The following HUS1 variants were observed in gnomAD, a reference collection of about 807,000 sequenced individuals.
The protein encoded by HUS1 is HUS1 checkpoint clamp component, also known as checkpoint protein HUS1.
In HUS1, 31 loss-of-function variants were observed where a neutral mutation model predicts 32.6. The observed-to-expected ratio is 0.95, with a 90% CI of 0.72 to 1.28. The LOEUF (loss-of-function observed/expected upper bound fraction) is 1.28, where lower values mean the gene tolerates loss of function less well. Ranked by LOEUF, HUS1 falls within the 50% of genes most tolerant of loss-of-function variation. The pLI, the probability that HUS1 is intolerant of heterozygous loss-of-function variation, is 0.00. For missense variants in HUS1, 340 were observed against 337.7 expected (o/e 1.01, Z -0.05); for synonymous variants, 123 against 116.6 (o/e 1.06, Z -0.36).
Position 47,967,841 on chromosome 7 carries a change from G to C in HUS1, c.725C>G (p.Ala242Gly). The C allele has an allele frequency of 6.2e-7, 1 of 1,613,918 alleles. No individual in the cohort carries two copies. Among genetic ancestry groups the C allele is most frequent in the South Asian group, 1.1e-5 (1 of 91,052 alleles). ...CTTTGTGGGATTTACTTGTTGTCCAGCAAGAAACTGTAGGAGCTTCCTAAT... is the reference window on the plus strand; with the variant it reads ...CTTTGTGGGATTTACTTGTTGTCCACCAAGAAACTGTAGGAGCTTCCTAAT... ...IDIRKLLQFL[A>G]GQQVNPTKAL... The change falls in exon 7 of 8, where the codon GCT becomes GGT. Residue 242 changes from alanine (A) to glycine (G), a missense_variant. Physicochemically the swap from Ala to Gly is moderately conservative, Grantham distance 60. Transcript: ENST00000258774.
At position 47,965,425 on chromosome 7, in the gene HUS1, G is replaced by C; in HGVS notation, c.774C>G (p.Asn258Lys). 1 of 1,612,056 alleles carries C rather than the reference G, an allele frequency of 6.2e-7. No homozygotes were observed. The highest frequency in any genetic ancestry group is 8.5e-7 in the Non-Finnish European group (1 of 1,178,092). The change falls in exon 8 of 8, where the codon AAC (asparagine) becomes AAG (lysine). Residue 258 changes from asparagine to lysine, a missense_variant. Coordinates refer to ENST00000258774, the MANE Select transcript of HUS1 (RefSeq NM_004507.4). ...GAAGCAGATCAAAATGCACCATCTTGTTATTCACAATATCTGGGAAGAGAA... is the reference window on the plus strand; with the variant it reads ...GAAGCAGATCAAAATGCACCATCTTCTTATTCACAATATCTGGGAAGAGAA... ...PTKALCNIVN[N>K]KMVHFDLLHE...
Position 47,979,585 on chromosome 7 carries a change from C to T in HUS1, c.-66G>A. On this transcript the variant is annotated 5_prime_UTR_variant, in exon 1 of 8. Transcript: ENST00000258774. ...CAGAAAAGCGTCGCGCCCTGAGTGT[C>T]CCCGCCCGGAAACACGGCAGCGCGA... 2 of 1,291,510 alleles carry T rather than the reference C, an allele frequency of 1.5e-6. No homozygotes were observed. The highest frequency in any genetic ancestry group is 1.2e-5 in the South Asian group (1 of 84,668). The allele number at this position is 1,291,510 out of a possible 1,614,324, so 80.0% of individuals were successfully genotyped here. A position where few individuals can be genotyped will look rare whatever the true frequency, so the allele number is the denominator to read the frequency against.
In HUS1 at chr7:47,978,881, T is replaced by A; in HGVS notation, c.53-65A>T. On this transcript the variant is annotated intron_variant, in intron 1 of 7. Coordinates refer to ENST00000258774, the MANE Select transcript of HUS1 (RefSeq NM_004507.4). ...ATTATGTATCCTAGAGACCAACTTA[T>A]TTTGCAGAATTTCTTGTTCATCAAC... 5 of 1,505,890 alleles carry A rather than the reference T, an allele frequency of 3.3e-6. No homozygotes were observed. In the South Asian group the frequency reaches 6.2e-5, roughly 19 times the overall value. The allele number at this position is 1,505,890 out of a possible 1,614,324, so 93.3% of individuals were successfully genotyped here.
At chr7:47,976,373 C>T (rs1259632644) in intron 4 of HUS1, 4 of 461,338 alleles carry the variant, frequency 8.7e-6, no homozygotes, top group Admixed American at 2.3e-5. Context: ...TCTTGGCTTT[C>T]GTGCACATCC....
At chr7:47,972,052 C>A (rs1583719017) in intron 5 of HUS1, among the ~76,000 whole-genome samples, 1 of 151,944 alleles carries the variant, frequency 6.6e-6, no homozygotes, top group East Asian at 1.9e-4. Context: ...TTCATTAATC[C>A]AAAAAAATAT....
intron 5 of HUS1, among the ~76,000 whole-genome samples, chr7:47,971,056 G>C (rs576648054): frequency 3.3e-4 from 51 of 152,258 alleles, no homozygotes; most frequent in African/African-American, 1.2e-3. Context: ...ATAACGTGTA[G>C]TAATAAAATT....
Position 47,965,258 on chromosome 7 carries a change from G to A in HUS1, c.*98C>T. The stretch of plus-strand genomic sequence containing the variant: ...ACAAATAAGTACAGTGTGTCGATGT[G>A]CGGTGCTGTGAGGGCACAGACCAGT... On this transcript the variant is annotated 3_prime_UTR_variant, in exon 8 of 8. Coordinates refer to ENST00000258774, the MANE Select transcript of HUS1 (RefSeq NM_004507.4). The A allele has an allele frequency of 2.6e-6, 2 of 770,892 alleles. No homozygotes were observed. The highest frequency in any genetic ancestry group is 4.7e-6 in the Non-Finnish European group (2 of 427,810). 47.8% of individuals were successfully genotyped at this position (770,892 alleles called of 1,614,324 possible). A position where few individuals can be genotyped will look rare whatever the true frequency, so the allele number is the denominator to read the frequency against.
chr7:47,974,949 G>C (rs1166726572), intron 5 of HUS1, among the ~76,000 whole-genome samples: 1 of 152,176 alleles, frequency 6.6e-6, no homozygotes, highest in Non-Finnish European at 1.5e-5. Flanking sequence ...CACGCAGACA[G>C]GAAACTCCAA....
chr7:47,972,390 T>TC (rs1244292937), intron 5 of HUS1, among the ~76,000 whole-genome samples: 2 of 152,202 alleles, frequency 1.3e-5, no homozygotes, highest in African/African-American at 4.8e-5. Flanking sequence ...AGATTCCAAC[T>TC]CCCTCCTAAC....
intron 7 of HUS1, among the ~76,000 whole-genome samples, chr7:47,966,892 G>A (rs1788490470): frequency 6.6e-6 from 1 of 152,136 alleles, no homozygotes; most frequent in South Asian, 2.1e-4. Context: ...CTTCTCTGGC[G>A]ATATCTCCTT....
At position 47,974,986 on chromosome 7, in the gene HUS1, C is replaced by T. The variant is rs919279507; in HGVS notation, c.540+627G>A. Among the ~76,000 whole-genome samples the T allele has an allele frequency of 3.9e-5, 6 of 152,136 alleles. No homozygotes were observed. The East Asian group carries it at 7.7e-4, about 20-fold the overall frequency. ...CTCACTGTCAGTCATATCAGTGACT[C>T]ACAGAAAAATACGGGCACGTTAGCA... On this transcript the variant is annotated intron_variant, in intron 5 of 7. Transcript: ENST00000258774.
chr7:47,977,212 T>C (rs902649088), intron 3 of HUS1, among the ~76,000 whole-genome samples: 2 of 151,986 alleles, frequency 1.3e-5, no homozygotes, highest in Non-Finnish European at 2.9e-5. Context: ...ACATTTCAGA[T>C]ACCACCAAAA....
chr7:47,976,951 G>A (rs1788718108), intron 3 of HUS1, 114 bp from the exon 4 acceptor site: 2 of 656,828 alleles, frequency 3.0e-6, no homozygotes, highest in African/African-American at 1.8e-5. Flanking sequence ...GTGGAATGCT[G>A]TCAGTTTATT....
At chr7:47,975,990 C>T (rs188764021) in intron 4 of HUS1, among the ~76,000 whole-genome samples, 2 of 152,298 alleles carry the variant, frequency 1.3e-5, no homozygotes, top group East Asian at 3.9e-4. Context: ...CTGAGATGCC[C>T]CTATATTGGT....
rs540755683 is a variant in HUS1 at position 47,976,720 on chromosome 7, C to T, written c.465+10G>A. ...GTGGGGTGTACAGCAGGACTGCAGG[C>T]ATCACCTACATCAGGATCTGGGACC... On this transcript the variant is annotated intron_variant, in intron 4 of 7. Transcript: ENST00000258774. The T allele has an allele frequency of 6.2e-6, 9 of 1,455,648 alleles. No homozygotes were observed. The East Asian group carries it at 1.6e-4, about 26-fold the overall frequency. 90.2% of individuals were successfully genotyped at this position (1,455,648 alleles called of 1,614,324 possible).
intron 7 of HUS1, among the ~76,000 whole-genome samples, chr7:47,966,687 C>A (rs3176595): frequency 4.6e-5 from 7 of 152,024 alleles, no homozygotes; most frequent in African/African-American, 1.4e-4. Flanking sequence ...GACCTTCAGG[C>A]GATCTCCATG....
At chr7:47,969,684 G>C (rs775846143) in intron 5 of HUS1, among the ~76,000 whole-genome samples, 1 of 152,124 alleles carries the variant, frequency 6.6e-6, no homozygotes, top group Non-Finnish European at 1.5e-5. Context: ...CACAGCAGGA[G>C]AGAGTCCTGC....
intron 7 of HUS1, among the ~76,000 whole-genome samples, chr7:47,966,217 G>C (rs1247926948): frequency 6.6e-6 from 1 of 152,108 alleles, no homozygotes; most frequent in Non-Finnish European, 1.5e-5. Flanking sequence ...CTAGAGGAGG[G>C]GACAATTGAG....
intron 4 of HUS1, chr7:47,976,243 A>T: frequency 2.4e-6 from 1 of 415,004 alleles, no homozygotes; most frequent in Middle Eastern, 3.5e-4. Context: ...TTCTTCTTAA[A>T]CAAATTGTGA....
Sources: allele counts gnomAD v4.1 joint callset (sites outside exome capture counted in the v4.1 genomes callset), GRCh38; gene constraint gnomAD v4.1.1; transcripts MANE v1.5; gene names NCBI Gene and HGNC (gene_info 2026-07-23, HGNC 2026-07-21).